Variants in ANKFN1 observed in about 807,000 individuals in gnomAD.
ANKFN1 encodes ankyrin repeat and fibronectin type-III domain-containing protein 1.
A neutral mutation model predicts 108.7 loss-of-function variants in ANKFN1; 74 were observed. That is an observed-to-expected ratio of 0.68 (90% confidence interval 0.56 to 0.83). The LOEUF is 0.83. Among genes scored for constraint, ANKFN1 ranks in the 40% least tolerant of loss-of-function variants. ANKFN1 has a pLI of 0.00. For missense variants in ANKFN1, 1,505 were observed against 1,382.3 expected (o/e 1.09, Z -1.41); for synonymous variants, 547 against 516.2 (o/e 1.06, Z -0.81).
chr17:56,298,196 A>T (rs576454858), intron 3 of ANKFN1, among the ~76,000 whole-genome samples: 1 of 152,336 alleles, frequency 6.6e-6, no homozygotes, highest in African/African-American at 2.4e-5. Context: ...ATAGAGCCCA[A>T]ATCAATGGAA....
In ANKFN1 at chr17:56,511,230, C is replaced by T. The variant is rs1381747493; in HGVS notation, c.3402C>T (p.Thr1134=). The change falls in exon 21 of 21, where the codon ACC becomes ACT. Residue 1134 remains threonine (T), a synonymous_variant. Transcript: ENST00000682825. ...TGPDVSQEGP[T]ASPMSEILSS... ...CCGATGTGAGTCAGGAGGGCCCCAC[C>T]GCCTCTCCCATGTCAGAAATACTCA... is the stretch of plus-strand genomic sequence containing the variant. 2 of 1,533,226 alleles carry T rather than the reference C, an allele frequency of 1.3e-6. No homozygotes were observed. Among genetic ancestry groups the T allele is most frequent in the Non-Finnish European group, 1.7e-6 (2 of 1,144,936 alleles). 95.0% of individuals were successfully genotyped at this position (1,533,226 alleles called of 1,614,324 possible). A position where few individuals can be genotyped will look rare whatever the true frequency, so the allele number is the denominator to read the frequency against.
In ANKFN1 at chr17:56,227,929, A is replaced by G. The variant is rs181243242; in HGVS notation, c.25A>G (p.Lys9Glu). The stretch of plus-strand genomic sequence containing the variant: ...TTCTTTGTTTCAGAGGCTACTCTTT[A>G]AAGACAGGCATTTTACTTGCAGCAA... MNEKRLLF[K>E]DRHFTCSKII... The change falls in exon 3 of 21, where the codon AAA (lysine) becomes GAA (glutamate). Residue 9 changes from lysine to glutamate, a missense_variant. Coordinates refer to ENST00000682825, the MANE Select transcript of ANKFN1 (RefSeq NM_001370326.1). The G allele has an allele frequency of 7.5e-6, 12 of 1,606,838 alleles. No homozygotes were observed. The Admixed American group carries it at 1.4e-4, about 18-fold the overall frequency.
At chr17:56,437,004 T>TG (rs1204455674) in intron 8 of ANKFN1, among the ~76,000 whole-genome samples, 1 of 152,208 alleles carries the variant, frequency 6.6e-6, no homozygotes, top group East Asian at 1.9e-4. Context: ...AAAAGACTGT[T>TG]GGTTGCCCCA....
intron 3 of ANKFN1, among the ~76,000 whole-genome samples, chr17:56,315,879 A>T (rs1462654412): frequency 6.6e-6 from 1 of 152,234 alleles, no homozygotes; most frequent in Non-Finnish European, 1.5e-5. Flanking sequence ...AGATGGGAAT[A>T]ATAGAGATGA....
intron 15 of ANKFN1, among the ~76,000 whole-genome samples, chr17:56,467,761 AAG>A (rs1491284398): frequency 4.9e-3 from 162 of 33,360 alleles, no homozygotes; most frequent in African/African-American, 0.018. Flanking sequence ...GAAAGAAAGA[AAG>A]AAAGAAAGAA....
intron 4 of ANKFN1, among the ~76,000 whole-genome samples, chr17:56,090,243 G>A (rs9905064): frequency 0.58 from 86,695 of 150,660 alleles, 26,943 homozygotes; most frequent in Admixed American, 0.68. Flanking sequence ...GCAGGTGCGG[G>A]TAAGTCGTTA....
At position 56,430,315 on chromosome 17, in the gene ANKFN1, T is replaced by G. The variant is rs186963623; in HGVS notation, c.911-10012T>G. Among the ~76,000 whole-genome samples, 23 of 152,088 alleles carry G rather than the reference T, an allele frequency of 1.5e-4. No homozygotes were observed. The East Asian group carries it at 4.2e-3, about 28-fold the overall frequency. On this transcript the variant is annotated intron_variant, in intron 8 of 20. Transcript: ENST00000682825. ...TCCTATATGTGGAATCTTTAATTTT[T>G]TAAAAAAGGTCACAAACAGAAAAAG...
At chr17:56,499,177 T>C in intron 20 of ANKFN1, 79 bp downstream of exon 20, 1 of 1,347,750 alleles carries the variant, frequency 7.4e-7, no homozygotes, top group Non-Finnish European at 1.0e-6. Context: ...ACTTTTATGC[T>C]GAGGTATTGG....
chr17:56,202,881 A>T (rs1372866749), intron 1 of ANKFN1, among the ~76,000 whole-genome samples: 2 of 152,244 alleles, frequency 1.3e-5, no homozygotes, highest in East Asian at 3.8e-4. Flanking sequence ...AACTGTATTT[A>T]TACTTTTTTA....
At chr17:56,332,260 C>G (rs1252986680) in intron 4 of ANKFN1, among the ~76,000 whole-genome samples, 1 of 152,120 alleles carries the variant, frequency 6.6e-6, no homozygotes, top group Non-Finnish European at 1.5e-5. Context: ...AGGCTCTCTG[C>G]TTATGTAAGC....
At chr17:56,130,420 T>C (rs934868127) in intron 4 of ANKFN1, among the ~76,000 whole-genome samples, 8 of 152,096 alleles carry the variant, frequency 5.3e-5, no homozygotes, top group Non-Finnish European at 2.9e-5. Flanking sequence ...ATTAGGTGAT[T>C]ATGGTGATGT....
At chr17:56,147,903 A>G (rs1908360940) in intron 4 of ANKFN1, among the ~76,000 whole-genome samples, 1 of 152,184 alleles carries the variant, frequency 6.6e-6, no homozygotes, top group African/African-American at 2.4e-5. Context: ...TGCCACTTTA[A>G]TAAGGGTGGC....
chr17:56,498,257 A>G (rs77176139), intron 19 of ANKFN1, among the ~76,000 whole-genome samples: 3,121 of 152,218 alleles, frequency 0.021, 106 homozygotes, highest in Admixed American at 0.084. Flanking sequence ...ATTATTTTCT[A>G]TTAACATAGG....
At chr17:56,154,104 C>A (rs557266389) in intron 1 of ANKFN1, among the ~76,000 whole-genome samples, 6 of 152,074 alleles carry the variant, frequency 3.9e-5, no homozygotes, top group Non-Finnish European at 5.9e-5. Flanking sequence ...TTGACACATA[C>A]TAACCCTGTG....
rs535783112 is a variant in ANKFN1, at chr17:56,084,605, G to A, written c.288+38280G>A. On this transcript the variant is annotated intron_variant, in intron 4 of 12. Coordinates refer to the ANKFN1 transcript ENST00000635860. ...CGGGTAAGGGCCTGGTCCTTCCTGCGTGTTGACAGTGTATCTTTGAGGAAT... is the reference window on the plus strand; with the variant it reads ...CGGGTAAGGGCCTGGTCCTTCCTGCATGTTGACAGTGTATCTTTGAGGAAT... 3.9e-3 allele frequency among the ~76,000 whole-genome samples: 595 copies of A among 151,474 alleles called. 19 individuals are homozygous for A. Among genetic ancestry groups the A allele is most frequent in the African/African-American group, 0.014 (561 of 41,324 alleles).
chr17:56,253,019 T>C lies in ANKFN1; in HGVS notation c.53+25062T>C, dbSNP rs1598305924. Among the ~76,000 whole-genome samples, 3 of 152,316 alleles carry C rather than the reference T, an allele frequency of 2.0e-5. No homozygotes were observed. In the South Asian group the frequency reaches 6.2e-4, roughly 32 times the overall value. Reference sequence around the variant, plus strand: ...TGAGGCTGTTAGTGAGCTATGTTTGTGTCACTGCATCCAACCTGGGTGACA... The same window carrying C: ...TGAGGCTGTTAGTGAGCTATGTTTGCGTCACTGCATCCAACCTGGGTGACA... On this transcript the variant is annotated intron_variant, in intron 3 of 20. Coordinates refer to ENST00000682825, the MANE Select transcript of ANKFN1 (RefSeq NM_001370326.1).
intron 4 of ANKFN1, among the ~76,000 whole-genome samples, chr17:56,059,401 A>G (rs1904934507): frequency 6.6e-6 from 1 of 152,140 alleles, no homozygotes; most frequent in Non-Finnish European, 1.5e-5. Flanking sequence ...CTCTGATGCT[A>G]GTTTCTTTTG....
chr17:56,418,250 C>T (rs547520169), intron 8 of ANKFN1, among the ~76,000 whole-genome samples: 2 of 152,186 alleles, frequency 1.3e-5, no homozygotes, highest in South Asian at 2.1e-4. Flanking sequence ...TTAACAAAGG[C>T]GAAGGATGTG....
At chr17:56,344,766 C>T (rs1473044490) in intron 4 of ANKFN1, among the ~76,000 whole-genome samples, 1 of 151,968 alleles carries the variant, frequency 6.6e-6, no homozygotes, top group African/African-American at 2.4e-5. Context: ...AGAAAACCCC[C>T]AGACAGATGA....
Sources: gnomAD v4.1 joint callset for allele counts (sites outside exome capture counted in the v4.1 genomes callset) on GRCh38, gnomAD v4.1.1 for gene constraint, MANE v1.5 for transcripts, NCBI Gene and HGNC (gene_info 2026-07-23, HGNC 2026-07-21) for gene names.